TSPOAP1: variants seen among roughly 807,000 people sequenced by gnomAD.
TSPOAP1 encodes peripheral-type benzodiazepine receptor-associated protein 1.
A neutral mutation model predicts 197.0 loss-of-function variants in TSPOAP1; 87 were observed. The ratio of observed to expected loss-of-function variants is 0.44; its 90% CI spans 0.37 to 0.53. The LOEUF is 0.53. TSPOAP1 is among the 20% of genes least tolerant of loss of function. The pLI, the probability that TSPOAP1 is intolerant of heterozygous loss-of-function variation, is 0.00. For synonymous variants in TSPOAP1, 913 were observed against 998.9 expected (o/e 0.91, Z 1.62); for missense variants, 2,174 against 2,411.3 (o/e 0.90, Z 2.06).
intron 4 of TSPOAP1, 67 bp downstream of exon 4, chr17:58,325,467 A>G (rs1971556817): frequency 1.3e-6 from 2 of 1,589,160 alleles, no homozygotes; most frequent in Non-Finnish European, 8.6e-7. Context: ...TCTTGTCTGC[A>G]TCCCACAACA....
chr17:58,325,813 G>T lies in TSPOAP1; in HGVS notation c.571-100C>A, dbSNP rs541573288. On this transcript the variant is annotated intron_variant, in intron 3 of 31. Transcript: ENST00000343736. ...AGGAGGAGTTAGCATGAAAACCTAG[G>T]GGGGTAGCCACCTGCTTCCACCTTG... is the stretch of plus-strand genomic sequence containing the variant. The T allele has an allele frequency of 1.7e-4, 233 of 1,337,748 alleles. No individual in the cohort carries two copies. The South Asian group carries it at 2.9e-3, about 17-fold the overall frequency. 82.9% of individuals were successfully genotyped at this position (1,337,748 alleles called of 1,614,324 possible).
At chr17:58,306,008 G>A in intron 26 of TSPOAP1, 143 bp from the exon 27 acceptor site, 1 of 895,766 alleles carries the variant, frequency 1.1e-6, no homozygotes, top group Non-Finnish European at 1.7e-6. Context: ...ACCCTTTTGT[G>A]TGGCAGTGAA....
rs748624651 is a variant in TSPOAP1 at position 58,309,724 on chromosome 17, C to T, written c.3891+243G>A. On this transcript the variant is annotated intron_variant, in intron 21 of 31. Transcript: ENST00000343736. The surrounding 1 kb of genome is among the most constrained non-coding windows in gnomAD (Gnocchi z 5.0). ...TGGCACCGGCCTCCCCTGGCCAGGG[C>T]GCTGTATCTGGTGGGCTGGAGGGAG... is the stretch of plus-strand genomic sequence containing the variant. Among the ~76,000 whole-genome samples, 15 of 152,338 alleles carry T rather than the reference C, an allele frequency of 9.8e-5. No individual in the cohort carries two copies. The highest frequency in any genetic ancestry group is 7.4e-5 in the Non-Finnish European group (5 of 68,026).
In TSPOAP1 at chr17:58,305,867, T is replaced by C; in HGVS notation, c.5225-2A>G. 6.2e-7 allele frequency: 1 copy of C among 1,612,436 alleles called. No homozygotes were observed. On this transcript the variant is annotated splice_acceptor_variant, in intron 26 of 31. Coordinates refer to ENST00000343736, the MANE Select transcript of TSPOAP1 (RefSeq NM_004758.4). LOFTEE classifies it high-confidence loss of function. ...GCTGGGCAGGGCCTTCCGACTCAGCTGTGGAAAGAATGTGCCTGTGAGCCC... is the reference window on the plus strand; with the variant it reads ...GCTGGGCAGGGCCTTCCGACTCAGCCGTGGAAAGAATGTGCCTGTGAGCCC...
chr17:58,323,644 T>C, intron 5 of TSPOAP1, 99 bp from the exon 6 acceptor site: 6 of 1,272,052 alleles, frequency 4.7e-6, no homozygotes, highest in Non-Finnish European at 6.6e-6. Flanking sequence ...CACCCCATCA[T>C]TCAGCCAGCA....
At position 58,310,049 on chromosome 17, in the gene TSPOAP1, T is replaced by A. The variant is rs774281543; in HGVS notation, c.3809A>T (p.Glu1270Val). Residue 1270 changes from glutamate to valine, a missense_variant, in exon 21 of 32, where the codon GAG becomes GTG. Transcript: ENST00000343736. Reference sequence around the variant, plus strand: ...CCTGGAACCCAGCTCCTCTTCCTCCTCCTCCTCCTCCTCTTCCTCTTCCTC... The same window carrying A: ...CCTGGAACCCAGCTCCTCTTCCTCCACCTCCTCCTCCTCTTCCTCTTCCTC... ...IQEEEEEEEE[E>V]EEEELGSRTC... The A allele has an allele frequency of 6.2e-7, 1 of 1,613,474 alleles. No individual in the cohort carries two copies. Among genetic ancestry groups the A allele is most frequent in the Non-Finnish European group, 8.5e-7 (1 of 1,180,042 alleles).
Position 58,312,434 on chromosome 17 carries a change from C to T in TSPOAP1, c.2387G>A (p.Arg796His), listed in dbSNP as rs761891028. 8.7e-6 allele frequency: 14 copies of T among 1,612,994 alleles called. No homozygotes were observed. The highest frequency in any genetic ancestry group is 1.6e-4 in the Middle Eastern group (1 of 6,080). The change falls in exon 17 of 32, where the codon CGT (arginine) becomes CAT (histidine). Residue 796 changes from arginine to histidine, a missense_variant. Physicochemically the swap from Arg to His is conservative, Grantham distance 29 (BLOSUM62 0). Transcript: ENST00000343736. ...GEPPAVPYPR[R>H]LVVLKQLAHS... ...GGCCAGCTGCTTGAGGACCACCAGACGGCGGGGGTAAGGCACGGCAGGAGG... is the reference window on the plus strand; with the variant it reads ...GGCCAGCTGCTTGAGGACCACCAGATGGCGGGGGTAAGGCACGGCAGGAGG...
chr17:58,321,708 G>A (rs1008747225), intron 10 of TSPOAP1, among the ~76,000 whole-genome samples: 9 of 152,028 alleles, frequency 5.9e-5, no homozygotes, highest in African/African-American at 1.9e-4. Flanking sequence ...CCAGGCCACC[G>A]CCCAGGCCCT....
chr17:58,311,874 G>T lies in TSPOAP1; in HGVS notation c.2929+18C>A. The T allele has an allele frequency of 6.6e-7, 1 of 1,517,416 alleles. No homozygotes were observed. 94.0% of individuals were successfully genotyped at this position (1,517,416 alleles called of 1,614,324 possible). On this transcript the variant is annotated intron_variant, in intron 17 of 31. Transcript: ENST00000343736. ...GGCCTCCTGGGTGTTCTGGACAACA[G>T]GGCCCAAGCCCACATACCTGCTGGG... is the stretch of plus-strand genomic sequence containing the variant.
chr17:58,324,045 A>C lies in TSPOAP1; in HGVS notation c.943-500T>G, dbSNP rs1463110285. On this transcript the variant is annotated intron_variant, in intron 5 of 31. Coordinates refer to ENST00000343736, the MANE Select transcript of TSPOAP1 (RefSeq NM_004758.4). This position sits in a 1 kb window ranked among gnomAD's most constrained non-coding sequence, Gnocchi z 5.8. ...TCCTGGCTTCCCCCAAGCCCACCCTACCACACCTTCCGATTATCCGTGCAA... is the reference window on the plus strand; with the variant it reads ...TCCTGGCTTCCCCCAAGCCCACCCTCCCACACCTTCCGATTATCCGTGCAA... Among the ~76,000 whole-genome samples the C allele has an allele frequency of 1.3e-5, 2 of 152,068 alleles. No individual in the cohort carries two copies. Among genetic ancestry groups the C allele is most frequent in the Non-Finnish European group, 2.9e-5 (2 of 68,004 alleles).
At position 58,319,302 on chromosome 17, in the gene TSPOAP1, A is replaced by G. The variant is rs73993654; in HGVS notation, c.1495-8T>C. ...GAGCTCTCGAACCCGGGCCTGGGCC[A>G]AGACCCACCATGAGCCGCCAGGCCC... On this transcript the variant is annotated splice_region_variant and splice_polypyrimidine_tract_variant and intron_variant, in intron 12 of 31. Transcript: ENST00000343736. 6.5e-4 allele frequency: 1,011 copies of G among 1,564,602 alleles called. 8 individuals are homozygous for G. The African/African-American group carries it at 0.013, about 19-fold the overall frequency.
chr17:58,326,384 C>T lies in TSPOAP1; in HGVS notation c.479G>A (p.Arg160Gln), dbSNP rs201769035. The T allele has an allele frequency of 5.0e-6, 8 of 1,613,996 alleles. No individual in the cohort carries two copies. In the East Asian group the frequency reaches 6.7e-5, roughly 13 times the overall value. ...CTCGGCGTTCTTCCTCTTCAGCCTC[C>T]GCACCTTCTCTTCTGTCTCAGGGAA... ...SSFPETEEKV[R>Q]RLKRKNAELA... Residue 160 changes from arginine to glutamine, a missense_variant, in exon 3 of 32, where the codon CGG becomes CAG. Coordinates refer to ENST00000343736, the MANE Select transcript of TSPOAP1 (RefSeq NM_004758.4). This position sits in a 1 kb window ranked among gnomAD's most constrained non-coding sequence, Gnocchi z 4.7.
At chr17:58,315,492 T>C (rs767778889) in intron 16 of TSPOAP1, among the ~76,000 whole-genome samples, 6 of 152,206 alleles carry the variant, frequency 3.9e-5, no homozygotes, top group African/African-American at 7.2e-5. Flanking sequence ...TTGAGTTGCC[T>C]GATCAGCCCT....
At position 58,326,533 on chromosome 17, in the gene TSPOAP1, C is replaced by T. The variant is rs72839997; in HGVS notation, c.442-112G>A. The T allele has an allele frequency of 4.9e-3, 7,651 of 1,552,100 alleles. 21 individuals carry two copies. The highest frequency in any genetic ancestry group is 6.1e-3 in the Non-Finnish European group (7,022 of 1,144,752). ...AGGCTCACAGTGGGGTCCTTGGCAA[C>T]TCTAGGCAGGGGTTCACCCTCTCTG... On this transcript the variant is annotated intron_variant, in intron 2 of 31. Coordinates refer to ENST00000343736, the MANE Select transcript of TSPOAP1 (RefSeq NM_004758.4). The surrounding 1 kb of genome is among the most constrained non-coding windows in gnomAD (Gnocchi z 4.7).
At chr17:58,314,350 TG>T (rs1167669076) in intron 16 of TSPOAP1, among the ~76,000 whole-genome samples, 8 of 152,186 alleles carry the variant, frequency 5.3e-5, no homozygotes. Context: ...TGACCTTATT[TG>T]GAAAAAGCGT....
At chr17:58,306,011 G>T in intron 26 of TSPOAP1, 146 bp from the exon 27 acceptor site, 2 of 863,118 alleles carry the variant, frequency 2.3e-6, no homozygotes, top group Non-Finnish European at 3.6e-6. Context: ...CTTTTGTGTG[G>T]CAGTGAACTA....
intron 5 of TSPOAP1, 146 bp from the exon 6 acceptor site, chr17:58,323,691 G>A (rs1238876360): frequency 1.3e-6 from 1 of 758,932 alleles, no homozygotes. Flanking sequence ...GAGGGGTACT[G>A]TCTGCCCACC....
intron 16 of TSPOAP1, 100 bp from the exon 17 acceptor site, chr17:58,312,822 G>C: frequency 1.2e-6 from 1 of 827,900 alleles, no homozygotes; most frequent in Non-Finnish European, 1.8e-6. Context: ...GCTAGTGGGT[G>C]ATCTTCAGCA....
At chr17:58,306,200 G>A (rs1598055917) in intron 26 of TSPOAP1, 142 bp downstream of exon 26, 6 of 882,586 alleles carry the variant, frequency 6.8e-6, no homozygotes, top group South Asian at 5.8e-5. Context: ...AAACCCAGAG[G>A]TGCCTCCCCA....
Sources: allele counts gnomAD v4.1 joint callset (sites outside exome capture counted in the v4.1 genomes callset), GRCh38; gene constraint gnomAD v4.1.1; non-coding constraint Gnocchi (gnomAD v3.1); transcripts MANE v1.5; gene names NCBI Gene and HGNC (gene_info 2026-07-23, HGNC 2026-07-21).